Variants in TRIM9 observed in about 807,000 individuals in gnomAD.
The protein encoded by TRIM9 is E3 ubiquitin-protein ligase TRIM9.
A neutral mutation model predicts 78.3 loss-of-function variants in TRIM9; 26 were observed. That is an observed-to-expected ratio of 0.33 (90% CI 0.24 to 0.46). TRIM9 has a LOEUF of 0.46. TRIM9 is among the 20% of genes least tolerant of loss of function. TRIM9 has a pLI of 1.00. For synonymous variants in TRIM9, 398 were observed against 416.5 expected, an observed-to-expected ratio of 0.96 and a Z score of 0.54; for missense variants, 787 against 1,036.4, an observed-to-expected ratio of 0.76 and a Z score of 3.30.
intron 1 of TRIM9, among the ~76,000 whole-genome samples, chr14:51,084,973 A>G (rs1262261853): frequency 6.6e-6 from 1 of 152,236 alleles, no homozygotes; most frequent in Non-Finnish European, 1.5e-5. Context: ...GACCTGCTCT[A>G]GACAGAAAGT....
At position 51,073,753 on chromosome 14, in the gene TRIM9, T is replaced by A. The variant is rs140203214; in HGVS notation, c.822+20365A>T. Among the ~76,000 whole-genome samples, 200 of 152,360 alleles carry A rather than the reference T, an allele frequency of 1.3e-3. 3 individuals carry two copies. The East Asian group carries it at 0.036, about 27-fold the overall frequency. On this transcript the variant is annotated intron_variant, in intron 1 of 12. Coordinates refer to ENST00000684578, the MANE Select transcript of TRIM9 (RefSeq NM_001387360.1). ...ACAGGTGTGATCAGTTTGTGGAAAT[T>A]CATTGAAATGTACATTCATGATTTC...
intron 1 of TRIM9, among the ~76,000 whole-genome samples, chr14:51,042,884 C>A (rs181466915): frequency 1.3e-5 from 2 of 152,256 alleles, no homozygotes; most frequent in Admixed American, 1.3e-4. Flanking sequence ...ACCTCCCCTG[C>A]CTCCTTTAAC....
chr14:51,003,701 T>G (rs1283385867), intron 5 of TRIM9, among the ~76,000 whole-genome samples: 1 of 150,342 alleles, frequency 6.7e-6, no homozygotes, highest in African/African-American at 2.4e-5. Context: ...TGTCCCAGAT[T>G]TAGACAAATT....
rs1342330224 is a variant in TRIM9 at position 50,985,920 on chromosome 14, G to A, written c.1792+36C>T. On this transcript the variant is annotated intron_variant, in intron 8 of 12. Transcript: ENST00000684578. ...GTTTCAGAGATGCCTTCAAGGCACA[G>A]AGATCAAGGGGAAAGGTCTGAGGAG... is the stretch of plus-strand genomic sequence containing the variant. The A allele has an allele frequency of 3.5e-6, 5 of 1,423,382 alleles. No individual in the cohort carries two copies. In the East Asian group the frequency reaches 1.4e-4, roughly 39 times the overall value. 88.2% of individuals were successfully genotyped at this position (1,423,382 alleles called of 1,614,324 possible). A position where few individuals can be genotyped will look rare whatever the true frequency, so the allele number is the denominator to read the frequency against.
intron 1 of TRIM9, among the ~76,000 whole-genome samples, chr14:51,081,821 T>G (rs1200842408): frequency 1.3e-5 from 2 of 152,212 alleles, no homozygotes; most frequent in East Asian, 3.8e-4. Context: ...CAGAGACGCA[T>G]GGAGTAAGGT....
intron 1 of TRIM9, among the ~76,000 whole-genome samples, chr14:51,088,790 T>G (rs566792792): frequency 1.3e-4 from 20 of 152,268 alleles, no homozygotes; most frequent in African/African-American, 4.1e-4. Flanking sequence ...TCTGCTTCAT[T>G]GAATCAAAAA....
At chr14:51,008,343 G>C (rs1294983416) in intron 5 of TRIM9, among the ~76,000 whole-genome samples, 1 of 152,172 alleles carries the variant, frequency 6.6e-6, no homozygotes, top group Non-Finnish European at 1.5e-5. Flanking sequence ...AGCAAGCTGG[G>C]TAAAAGATGA....
chr14:50,979,503 C>T lies in TRIM9; in HGVS notation c.2209G>A (p.Asp737Asn), dbSNP rs145849201. 3.3e-5 allele frequency: 53 copies of T among 1,614,146 alleles called. No homozygotes were observed. The African/African-American group carries it at 6.4e-4, about 19-fold the overall frequency. The change falls in exon 12 of 13, where the codon GAC becomes AAC. Residue 737 changes from aspartate to asparagine, a missense_variant. Physicochemically the swap from Asp to Asn is conservative, Grantham distance 23. Transcript: ENST00000684578. ...AATGTCAAGTTTTTTCTATTTAAGT[C>T]GAGGAGGACCCCAATTGTGGCCCCT... ...TKGATIGVLLDLNRKNLTFFI... is the reference protein window; with the variant it reads ...TKGATIGVLLNLNRKNLTFFI...
intron 1 of TRIM9, among the ~76,000 whole-genome samples, chr14:51,067,723 A>G (rs573419843): frequency 6.6e-6 from 1 of 152,276 alleles, no homozygotes; most frequent in East Asian, 1.9e-4. Context: ...GTCTCAGTTC[A>G]GTGTTCCTTC....
intron 12 of TRIM9, chr14:50,978,762 T>G (rs2051396042): frequency 4.6e-6 from 2 of 430,306 alleles, no homozygotes; most frequent in Non-Finnish European, 6.1e-6. Flanking sequence ...TTATCTGTTT[T>G]TTTGTTTTTT....
chr14:51,092,570 C>T (rs964045152), intron 1 of TRIM9, among the ~76,000 whole-genome samples: 4 of 152,192 alleles, frequency 2.6e-5, no homozygotes, highest in African/African-American at 9.7e-5. Context: ...CTTGGGTATG[C>T]AACTCAGTGA....
chr14:51,093,008 C>T (rs2064522855), intron 1 of TRIM9, among the ~76,000 whole-genome samples: 2 of 151,966 alleles, frequency 1.3e-5, no homozygotes, highest in East Asian at 3.9e-4. Context: ...ACACCAAATG[C>T]AAAGGCCCTG....
At chr14:51,008,961 C>T (rs1462168622) in intron 5 of TRIM9, 119 bp downstream of exon 5, 3 of 983,724 alleles carry the variant, frequency 3.0e-6, no homozygotes, top group East Asian at 2.4e-5. Flanking sequence ...ATTTTCATTA[C>T]ATAAGTTAGA....
intron 3 of TRIM9, among the ~76,000 whole-genome samples, chr14:51,020,359 T>A (rs2057637607): frequency 6.6e-6 from 1 of 152,116 alleles, no homozygotes; most frequent in Admixed American, 6.5e-5. Flanking sequence ...ATGACAGATA[T>A]AATCAGCTGA....
At position 51,095,057 on chromosome 14, in the gene TRIM9, C is replaced by A; in HGVS notation, c.-118G>T. On this transcript the variant is annotated 5_prime_UTR_variant, in exon 1 of 13. Transcript: ENST00000684578. ...AGCGGCGGCGGCTGTGGTGGTGGTG[C>A]CTTCCCGCGCAGCACTGGCACGGAC... 1 of 683,672 alleles carries A rather than the reference C, an allele frequency of 1.5e-6. No homozygotes were observed. The highest frequency in any genetic ancestry group is 2.1e-6 in the Non-Finnish European group (1 of 468,652). 42.4% of individuals were successfully genotyped at this position (683,672 alleles called of 1,614,324 possible).
At chr14:51,093,729 G>A (rs1158502397) in intron 1 of TRIM9, among the ~76,000 whole-genome samples, 6 of 152,152 alleles carry the variant, frequency 3.9e-5, no homozygotes, top group African/African-American at 1.4e-4. Flanking sequence ...TTCGCAGCCC[G>A]CCCTGCCCTC....
intron 1 of TRIM9, among the ~76,000 whole-genome samples, chr14:51,078,442 C>T (rs1413841151): frequency 2.0e-5 from 3 of 152,050 alleles, no homozygotes; most frequent in East Asian, 3.8e-4. Flanking sequence ...CCTAAGTGTA[C>T]ACCAACAGAC....
chr14:51,074,582 T>C (rs2062587447), intron 1 of TRIM9, among the ~76,000 whole-genome samples: 2 of 152,214 alleles, frequency 1.3e-5, no homozygotes, highest in Admixed American at 1.3e-4. Context: ...AGGAAGTAAA[T>C]AGTCCAAAAT....
At chr14:50,982,305 C>G in intron 10 of TRIM9, 1 of 610,726 alleles carries the variant, frequency 1.6e-6, no homozygotes, top group South Asian at 2.0e-5. Context: ...GACACACGAC[C>G]GATTCAGCAG....
Sources: allele counts gnomAD v4.1 joint callset (sites outside exome capture counted in the v4.1 genomes callset), GRCh38; gene constraint gnomAD v4.1.1; transcripts MANE v1.5; gene names NCBI Gene and HGNC (gene_info 2026-07-23, HGNC 2026-07-21).